RP1: variants seen among roughly 807,000 people sequenced by gnomAD.
The protein encoded by RP1 is RP1 axonemal microtubule associated.
A neutral mutation model predicts 14.8 loss-of-function variants in RP1; 16 were observed. The observed-to-expected ratio is 1.08, with a 90% CI of 0.73 to 1.65. The LOEUF (loss-of-function observed/expected upper bound fraction) is 1.65, where lower values mean the gene tolerates loss of function less well. Among genes scored for constraint, RP1 ranks in the 40% most tolerant of loss-of-function variants. The pLI is 0.00. For missense variants in RP1, 2,631 were observed against 2,535.0 expected (o/e 1.04, Z -0.81); for synonymous variants, 876 against 883.6 (o/e 0.99, Z 0.15).
intron 15 of RP1, among the ~76,000 whole-genome samples, chr8:54,712,491 G>C (rs1323063467): frequency 6.6e-6 from 1 of 152,122 alleles, no homozygotes; most frequent in South Asian, 2.1e-4. Context: ...TCTCCTGTGG[G>C]TCACCAGTTG....
intron 17 of RP1, chr8:54,726,491 T>C (rs1456777958): frequency 6.6e-7 from 1 of 1,517,496 alleles, no homozygotes; most frequent in South Asian, 1.3e-5. Flanking sequence ...GCCACAGCTT[T>C]TGCTTTCATA....
Position 54,627,797 on chromosome 8 carries a change from T to C in RP1, c.3915T>C (p.Leu1305=), listed in dbSNP as rs1563331854. The change falls in exon 4 of 4, where the codon CTT becomes CTC. Residue 1305 remains leucine, a synonymous_variant. Transcript: ENST00000220676. The part of the protein sequence containing the change: ...KACFLGEVCS[L]TDTVFSDKAC... ...GTTTCCTAGGAGAGGTCTGTTCACT[T>C]ACTGATACTGTGTTTTCTGATAAGG... is the stretch of plus-strand genomic sequence containing the variant. 1 of 1,614,184 alleles carries C rather than the reference T, an allele frequency of 6.2e-7. No individual in the cohort carries two copies. Among genetic ancestry groups the C allele is most frequent in the Admixed American group, 1.7e-5 (1 of 60,024 alleles).
intron 3 of RP1, among the ~76,000 whole-genome samples, chr8:54,646,701 A>T (rs1310783617): frequency 6.6e-6 from 1 of 152,086 alleles, no homozygotes; most frequent in Non-Finnish European, 1.5e-5. Context: ...CGGACATCAT[A>T]TTTCATTATT....
At chr8:54,574,716 T>TA (rs35062399) in intron 1 of RP1, among the ~76,000 whole-genome samples, 115,556 of 151,674 alleles carry the variant, frequency 0.76, 44,621 homozygotes, top group Non-Finnish European at 0.83. Flanking sequence ...GTTGTTGGAT[T>TA]AAAAAAAACC....
intron 1 of RP1, among the ~76,000 whole-genome samples, chr8:54,564,031 G>A (rs573683760): frequency 1.6e-4 from 25 of 152,282 alleles, no homozygotes; most frequent in African/African-American, 4.6e-4. Context: ...GTGAGAGACC[G>A]CTGCGGAGTT....
rs755107767 is a variant in RP1 at position 54,625,906 on chromosome 8, A to T, written c.2024A>T (p.Lys675Ile). Residue 675 changes from lysine (K) to isoleucine (I), a missense_variant, in exon 4 of 4, where the codon AAA becomes ATA. By Grantham distance (102) the Lys-to-Ile change is moderately radical (BLOSUM62 -3). Transcript: ENST00000220676. ...TCTGTTGCCAGCAAAAAGAAGAAAA[A>T]ATCTCGACAGCAAGCAATAAATTCC... ...LSSVASKKKK[K>I]SRQQAINSRY... 9.3e-6 allele frequency: 15 copies of T among 1,613,794 alleles called. No homozygotes were observed. Among genetic ancestry groups the T allele is most frequent in the Admixed American group, 8.3e-5 (5 of 59,984 alleles).
chr8:54,702,958 A>G (rs1808060460), intron 14 of RP1, among the ~76,000 whole-genome samples: 1 of 152,204 alleles, frequency 6.6e-6, no homozygotes, highest in Non-Finnish European at 1.5e-5. Flanking sequence ...ATTCAGTCAC[A>G]ACTTCAAGCT....
chr8:54,807,144 C>T (rs1309866289), intron 24 of RP1, among the ~76,000 whole-genome samples: 2 of 152,234 alleles, frequency 1.3e-5, no homozygotes, highest in South Asian at 2.1e-4. Context: ...AGGTAGGATG[C>T]AAAAGGACAG....
At chr8:54,705,318 A>C (rs1261593708) in intron 14 of RP1, among the ~76,000 whole-genome samples, 1 of 152,244 alleles carries the variant, frequency 6.6e-6, no homozygotes, top group Non-Finnish European at 1.5e-5. Context: ...TAGGAAAAGC[A>C]CCAAACATGG....
intron 8 of RP1, among the ~76,000 whole-genome samples, chr8:54,676,614 G>C (rs446765): frequency 0.59 from 89,498 of 151,970 alleles, 27,476 homozygotes; most frequent in Middle Eastern, 0.78. Context: ...ACTCTTACCC[G>C]TCCCTAATCC....
chr8:54,845,861 A>G (rs895227585), intron 25 of RP1, among the ~76,000 whole-genome samples: 1 of 152,200 alleles, frequency 6.6e-6, no homozygotes, highest in Non-Finnish European at 1.5e-5. Context: ...CAATCGCAAC[A>G]TCTTAGACTA....
chr8:54,855,934 T>TACAC (rs759603043), intron 26 of RP1, among the ~76,000 whole-genome samples: 31 of 57,786 alleles, frequency 5.4e-4, no homozygotes, highest in African/African-American at 1.2e-3. Flanking sequence ...AGACTTACTA[T>TACAC]ACACACACAC....
At chr8:54,600,602 T>C (rs1473156760) in intron 1 of RP1, among the ~76,000 whole-genome samples, 1 of 152,126 alleles carries the variant, frequency 6.6e-6, no homozygotes, top group African/African-American at 2.4e-5. Context: ...TTCACTGATA[T>C]CATCCAGTGT....
At chr8:54,604,949 C>A (rs1460682521) in intron 1 of RP1, among the ~76,000 whole-genome samples, 1 of 152,012 alleles carries the variant, frequency 6.6e-6, no homozygotes, top group Non-Finnish European at 1.5e-5. Flanking sequence ...ATTAGTCTTG[C>A]TAGTGGTCTA....
intron 22 of RP1, among the ~76,000 whole-genome samples, chr8:54,763,914 A>AG (rs1005489787): frequency 4.0e-5 from 6 of 149,608 alleles, no homozygotes; most frequent in Middle Eastern, 3.2e-3. Flanking sequence ...TGACTTTAAA[A>AG]TTTTTTTTTT....
intron 12 of RP1, chr8:54,696,575 T>C: frequency 1.4e-6 from 1 of 731,600 alleles, no homozygotes; most frequent in Non-Finnish European, 2.4e-6. Flanking sequence ...ACATGACTCC[T>C]GGCAGCAGAA....
At chr8:54,827,655 A>T (rs1383600281) in intron 24 of RP1, among the ~76,000 whole-genome samples, 1 of 152,080 alleles carries the variant, frequency 6.6e-6, no homozygotes, top group Non-Finnish European at 1.5e-5. Flanking sequence ...AAAAGTAATT[A>T]AGAGAGGCCG....
chr8:54,759,060 A>C (rs1401641555), exon 22 of RP1: 1 of 1,534,920 alleles, frequency 6.5e-7, no homozygotes, highest in African/African-American at 1.4e-5. Flanking sequence ...ATCCGAGTCC[A>C]TCTTTACCTG....
At chr8:54,732,066 G>C (rs1301702394) in intron 17 of RP1, among the ~76,000 whole-genome samples, 1 of 152,180 alleles carries the variant, frequency 6.6e-6, no homozygotes, top group East Asian at 1.9e-4. Context: ...TCACATTTCT[G>C]TCTCTCCTCT....
Sources: allele counts gnomAD v4.1 joint callset (sites outside exome capture counted in the v4.1 genomes callset), GRCh38; gene constraint gnomAD v4.1.1; transcripts MANE v1.5; gene names NCBI Gene and HGNC (gene_info 2026-07-23, HGNC 2026-07-21).